Variants in CHRNA7 observed in about 807,000 individuals in gnomAD.
CHRNA7 encodes cholinergic receptor nicotinic alpha 7 subunit.
A neutral mutation model predicts 48.0 loss-of-function variants in CHRNA7; 17 were observed. The observed-to-expected ratio is 0.35, with a 90% CI of 0.24 to 0.53. CHRNA7 has a LOEUF of 0.53. CHRNA7 is among the 20% of genes least tolerant of loss of function. CHRNA7 has a pLI of 0.92. For missense variants in CHRNA7, 155 were observed against 577.7 expected (o/e 0.27, Z 7.50); for synonymous variants, 75 against 242.3 (o/e 0.31, Z 6.41).
chr15:32,123,895 T>TC (rs768716002), intron 4 of CHRNA7, among the ~76,000 whole-genome samples: 64 of 110,822 alleles, frequency 5.8e-4, no homozygotes, highest in African/African-American at 1.4e-3. Flanking sequence ...ATTCCTAAGC[T>TC]CCCCCCCGCC....
At chr15:32,129,491 T>C (rs2051121345) in intron 4 of CHRNA7, among the ~76,000 whole-genome samples, 1 of 152,000 alleles carries the variant, frequency 6.6e-6, no homozygotes, top group Non-Finnish European at 1.5e-5. Context: ...TGGTAGTTTG[T>C]ACTTTTCAAG....
intron 2 of CHRNA7, among the ~76,000 whole-genome samples, chr15:32,049,008 AGTTTG>A: frequency 7.1e-6 from 1 of 140,024 alleles, no homozygotes; most frequent in African/African-American, 3.0e-5. Context: ...CCTGAGTTCT[AGTTTG>A]ATTGCACTGT....
At chr15:32,050,774 G>T (rs1184122466) in intron 2 of CHRNA7, among the ~76,000 whole-genome samples, 4 of 152,072 alleles carry the variant, frequency 2.6e-5, no homozygotes, top group Admixed American at 6.5e-5. Flanking sequence ...CATCTTTGTG[G>T]TTTTATTTAC....
chr15:32,050,377 T>C (rs1566803541), intron 2 of CHRNA7, among the ~76,000 whole-genome samples: 1 of 152,214 alleles, frequency 6.6e-6, no homozygotes, highest in Non-Finnish European at 1.5e-5. Context: ...ACTTCCCTTC[T>C]CACTTCATTT....
rs895151634 is a variant in CHRNA7 at position 32,150,534 on chromosome 15, A to G, written c.351-3373A>G. ...TTTATAAGAGATTCAAATGCGTGCA[A>G]ATTCATGGCCAGAGAGGCTTTAGTT... is the stretch of plus-strand genomic sequence containing the variant. On this transcript the variant is annotated intron_variant, in intron 4 of 9. Coordinates refer to ENST00000306901, the MANE Select transcript of CHRNA7 (RefSeq NM_000746.6). 5.3e-5 allele frequency among the ~76,000 whole-genome samples: 8 copies of G among 152,216 alleles called. No individual in the cohort carries two copies. The East Asian group carries it at 1.5e-3, about 29-fold the overall frequency.
chr15:32,042,711 A>G (rs900888486), intron 2 of CHRNA7, among the ~76,000 whole-genome samples: 2 of 151,928 alleles, frequency 1.3e-5, no homozygotes, highest in African/African-American at 2.4e-5. Context: ...TTGTCCCCCT[A>G]ATCTTGAGAG....
chr15:32,101,300 A>C lies in CHRNA7; in HGVS notation c.196-3A>C. ...TGCTGCTGCTTTTTTTTTTTTTTTG[A>C]AGGATGAGAAGAACCAAGTTTTAAC... On this transcript the variant is annotated splice_region_variant and splice_polypyrimidine_tract_variant and intron_variant, in intron 2 of 9. Coordinates refer to ENST00000306901, the MANE Select transcript of CHRNA7 (RefSeq NM_000746.6). 7.8e-7 allele frequency: 1 copy of C among 1,287,514 alleles called. No individual in the cohort carries two copies. The highest frequency in any genetic ancestry group is 2.8e-5 in the East Asian group (1 of 35,212). The allele number at this position is 1,287,514 out of a possible 1,614,324, so 79.8% of individuals were successfully genotyped here.
At chr15:32,050,429 T>C (rs1210510905) in intron 2 of CHRNA7, among the ~76,000 whole-genome samples, 1 of 152,240 alleles carries the variant, frequency 6.6e-6, no homozygotes, top group Non-Finnish European at 1.5e-5. Flanking sequence ...TTCTTCCAGT[T>C]GATCGCATCG....
rs1009242451 is a variant in CHRNA7 at position 32,120,573 on chromosome 15, T to G, written c.350+8674T>G. ...CACAGGGCAGTGCCACAGCAGAGCG[T>G]GGAATGACAGAACCCAACTGCTGTC... On this transcript the variant is annotated intron_variant, in intron 4 of 9. Transcript: ENST00000306901. Among the ~76,000 whole-genome samples the G allele has an allele frequency of 3.9e-5, 6 of 151,938 alleles. No homozygotes were observed. The South Asian group carries it at 8.3e-4, about 21-fold the overall frequency.
chr15:32,086,974 T>C (rs1451976411), intron 2 of CHRNA7, among the ~76,000 whole-genome samples: 2 of 152,158 alleles, frequency 1.3e-5, no homozygotes, highest in Non-Finnish European at 2.9e-5. Flanking sequence ...TTACTCTTTT[T>C]CCCCTATTTA....
At chr15:32,101,278 T>C in intron 2 of CHRNA7, 25 bp from the exon 3 acceptor site, 1 of 1,519,288 alleles carries the variant, frequency 6.6e-7, no homozygotes, top group Non-Finnish European at 8.8e-7. Flanking sequence ...TTATTTATGC[T>C]GCTGCTTTTT....
At chr15:32,050,842 G>C (rs2049657740) in intron 2 of CHRNA7, among the ~76,000 whole-genome samples, 1 of 152,148 alleles carries the variant, frequency 6.6e-6, no homozygotes, top group Admixed American at 6.5e-5. Flanking sequence ...TGTCCTGTCT[G>C]TTTGTTAGTT....
intron 2 of CHRNA7, among the ~76,000 whole-genome samples, chr15:32,066,344 C>T (rs528081170): frequency 6.6e-5 from 10 of 151,186 alleles, no homozygotes; most frequent in South Asian, 4.2e-4. Flanking sequence ...TGCGGTGGCG[C>T]GATGTCCACT....
intron 3 of CHRNA7, 22 bp from the exon 4 acceptor site, chr15:32,111,768 C>A: frequency 1.4e-6 from 2 of 1,439,652 alleles, no homozygotes; most frequent in Non-Finnish European, 2.0e-6. Context: ...TGAAGTGCTG[C>A]TAATGTCATT....
intron 2 of CHRNA7, 93 bp downstream of exon 2, chr15:32,031,130 G>A: frequency 1.3e-6 from 2 of 1,507,540 alleles, no homozygotes; most frequent in Admixed American, 1.8e-5. Flanking sequence ...GGTGGAGCTC[G>A]GCTGGGGCAC....
chr15:32,079,122 C>T (rs1237167051), intron 2 of CHRNA7, among the ~76,000 whole-genome samples: 2 of 152,188 alleles, frequency 1.3e-5, no homozygotes, highest in Non-Finnish European at 2.9e-5. Flanking sequence ...TAAAAACTCT[C>T]AATAAACTAG....
chr15:32,085,645 T>C (rs2050283789), intron 2 of CHRNA7, among the ~76,000 whole-genome samples: 1 of 152,276 alleles, frequency 6.6e-6, no homozygotes. Context: ...TCAATTATGC[T>C]GACTCCAATT....
intron 2 of CHRNA7, among the ~76,000 whole-genome samples, chr15:32,062,935 G>A (rs913340705): frequency 6.6e-6 from 1 of 152,182 alleles, no homozygotes; most frequent in African/African-American, 2.4e-5. Context: ...CTATATGGTA[G>A]AGCCTATTGT....
intron 2 of CHRNA7, 130 bp downstream of exon 2, chr15:32,031,167 C>G (rs943445847): frequency 9.2e-7 from 1 of 1,092,374 alleles, no homozygotes; most frequent in Admixed American, 2.2e-5. Flanking sequence ...CTAGGCAGGG[C>G]CATGCTCTGA....
Sources: gnomAD v4.1 joint callset for allele counts (sites outside exome capture counted in the v4.1 genomes callset) on GRCh38, gnomAD v4.1.1 for gene constraint, MANE v1.5 for transcripts, NCBI Gene and HGNC (gene_info 2026-07-23, HGNC 2026-07-21) for gene names.